The following WWOX variants were observed in gnomAD, a reference collection of about 807,000 sequenced individuals.
The protein encoded by WWOX is WW domain containing oxidoreductase, also known as WW domain-containing oxidoreductase.
A neutral mutation model predicts 46.2 loss-of-function variants in WWOX; 69 were observed. The observed-to-expected ratio is 1.49, with a 90% CI of 1.23 to 1.82. The LOEUF (loss-of-function observed/expected upper bound fraction) is 1.82, where lower values mean the gene tolerates loss of function less well. WWOX is among the 40% of genes most tolerant of loss of function. The pLI is 0.00. For synonymous variants in WWOX, 359 were observed against 202.6 expected (o/e 1.77, Z -6.56); for missense variants, 919 against 542.6 (o/e 1.69, Z -6.89).
chr16:78,237,734 T>A (rs1334933411), intron 5 of WWOX: 2 of 152,260 alleles, frequency 1.3e-5, no homozygotes, highest in Non-Finnish European at 2.9e-5. Context: ...AGGAAAATGA[T>A]ATGGAATTCT....
At chr16:78,279,580 C>G (rs571260584) in intron 5 of WWOX, among the ~76,000 whole-genome samples, 10 of 152,124 alleles carry the variant, frequency 6.6e-5, no homozygotes, top group East Asian at 5.8e-4. Flanking sequence ...TATATGGAAG[C>G]CTTCATTCCC....
intron 8 of WWOX, among the ~76,000 whole-genome samples, chr16:78,993,854 G>A (rs2046936899): frequency 6.6e-6 from 1 of 152,202 alleles, no homozygotes. Flanking sequence ...CCACGGCGGA[G>A]CCCGCTGGTC....
At chr16:78,935,417 C>G (rs1331982650) in intron 8 of WWOX, among the ~76,000 whole-genome samples, 3 of 151,996 alleles carry the variant, frequency 2.0e-5, no homozygotes, top group Non-Finnish European at 4.4e-5. Flanking sequence ...TGGAATACTA[C>G]ACAGCCATAA....
At chr16:78,363,631 G>A (rs979465247) in intron 5 of WWOX, among the ~76,000 whole-genome samples, 1 of 152,088 alleles carries the variant, frequency 6.6e-6, no homozygotes, top group African/African-American at 2.4e-5. Context: ...AGTCCCAGAA[G>A]GTAAGATATT....
At chr16:78,790,279 C>A (rs529396310) in intron 8 of WWOX, among the ~76,000 whole-genome samples, 2 of 151,984 alleles carry the variant, frequency 1.3e-5, no homozygotes, top group Non-Finnish European at 2.9e-5. Context: ...GGATTACAGG[C>A]GCACGCCAGC....
At chr16:78,913,405 C>T (rs529144454) in intron 8 of WWOX, among the ~76,000 whole-genome samples, 208 of 152,044 alleles carry the variant, frequency 1.4e-3, no homozygotes, top group Non-Finnish European at 2.4e-3. Flanking sequence ...GGCCCCTTCT[C>T]AACCTGACCT....
At chr16:78,355,561 C>T in intron 5 of WWOX, 1 of 448,720 alleles carries the variant, frequency 2.2e-6, no homozygotes. Flanking sequence ...AGCAAACTAC[C>T]AACACTGTGG....
intron 8 of WWOX, among the ~76,000 whole-genome samples, chr16:78,638,915 C>G (rs776837725): frequency 1.3e-5 from 2 of 152,040 alleles, no homozygotes; most frequent in African/African-American, 2.4e-5. Flanking sequence ...TGAAGAAAAC[C>G]TGAGAGATAT....
intron 8 of WWOX, among the ~76,000 whole-genome samples, chr16:78,731,839 C>CTTTT (rs1358966064): frequency 1.9e-4 from 21 of 111,506 alleles, no homozygotes; most frequent in African/African-American, 3.7e-4. Context: ...AATTTTTTTT[C>CTTTT]TTTCTCTTTT....
At chr16:78,195,037 T>C (rs2036004760) in intron 5 of WWOX, among the ~76,000 whole-genome samples, 1 of 152,166 alleles carries the variant, frequency 6.6e-6, no homozygotes, top group Admixed American at 6.5e-5. Flanking sequence ...TGCAACTTCT[T>C]TTATGCCTTC....
At chr16:78,353,918 C>G (rs533018480) in intron 5 of WWOX, among the ~76,000 whole-genome samples, 84 of 152,350 alleles carry the variant, frequency 5.5e-4, no homozygotes, top group African/African-American at 1.8e-3. Context: ...TTCTTCTGTT[C>G]TCTTTATTTC....
intron 8 of WWOX, chr16:78,525,772 A>G (rs2043450305): frequency 6.6e-6 from 1 of 150,750 alleles, no homozygotes; most frequent in East Asian, 2.0e-4. Context: ...GGTTTGTCCC[A>G]TTTGTACTGA....
At chr16:78,591,029 G>A (rs1184615094) in intron 8 of WWOX, among the ~76,000 whole-genome samples, 3 of 152,148 alleles carry the variant, frequency 2.0e-5, no homozygotes, top group Non-Finnish European at 4.4e-5. Context: ...CCACCAGTAT[G>A]AAAATGTGTT....
At chr16:78,720,143 C>T (rs1161250699) in intron 8 of WWOX, among the ~76,000 whole-genome samples, 3 of 152,180 alleles carry the variant, frequency 2.0e-5, no homozygotes, top group African/African-American at 2.4e-5. Context: ...AATATTCCTT[C>T]TTGCCCTAAT....
At chr16:78,918,688 C>T (rs2045308074) in intron 8 of WWOX, among the ~76,000 whole-genome samples, 1 of 152,088 alleles carries the variant, frequency 6.6e-6, no homozygotes, top group African/African-American at 2.4e-5. Flanking sequence ...GCACTGCATC[C>T]ATTATCTTAT....
chr16:78,414,714 C>A (rs1396602500), intron 6 of WWOX, among the ~76,000 whole-genome samples: 2 of 152,164 alleles, frequency 1.3e-5, no homozygotes, highest in Non-Finnish European at 2.9e-5. Flanking sequence ...TTATTTAAAA[C>A]TCAAGCCCCT....
At chr16:78,902,722 T>G (rs1440020546) in intron 8 of WWOX, among the ~76,000 whole-genome samples, 1 of 152,174 alleles carries the variant, frequency 6.6e-6, no homozygotes, top group Non-Finnish European at 1.5e-5. Flanking sequence ...AAAGGCCAGG[T>G]CTTTTGTTGG....
chr16:78,148,850 A>G (rs892476384), intron 4 of WWOX, among the ~76,000 whole-genome samples: 6 of 124,992 alleles, frequency 4.8e-5, no homozygotes, highest in Non-Finnish European at 6.4e-5. Context: ...GTGAGCCGAG[A>G]TTGCGCCACT....
chr16:78,967,769 G>T (rs79001380), intron 8 of WWOX, among the ~76,000 whole-genome samples: 5,751 of 152,142 alleles, frequency 0.038, 374 homozygotes, highest in African/African-American at 0.13. Flanking sequence ...GACTGCAGAG[G>T]ATGGCACAGA....
Sources: gnomAD v4.1 joint callset for allele counts (sites outside exome capture counted in the v4.1 genomes callset) on GRCh38, gnomAD v4.1.1 for gene constraint, MANE v1.5 for transcripts, NCBI Gene and HGNC (gene_info 2026-07-23, HGNC 2026-07-21) for gene names.